The following OTOR variants were observed in gnomAD, a reference collection of about 807,000 sequenced individuals.
OTOR encodes the protein fibrocyte-derived protein.
Under a neutral mutation model 15.9 loss-of-function variants are expected in OTOR, and 20 were observed. That is an observed-to-expected ratio of 1.26 (90% CI 0.89 to 1.83). The LOEUF (loss-of-function observed/expected upper bound fraction) is 1.83, where lower values mean the gene tolerates loss of function less well. Among genes scored for constraint, OTOR ranks in the 40% most tolerant of loss-of-function variants. The pLI, the probability that OTOR is intolerant of heterozygous loss-of-function variation, is 0.00. For missense variants in OTOR, 184 were observed against 159.0 expected, an observed-to-expected ratio of 1.16 and a Z score of -0.85; for synonymous variants, 53 against 54.2, an observed-to-expected ratio of 0.98 and a Z score of 0.09.
intron 3 of OTOR, among the ~76,000 whole-genome samples, chr20:16,750,491 T>C (rs146579492): frequency 6.6e-6 from 1 of 151,970 alleles, no homozygotes; most frequent in East Asian, 1.9e-4. Context: ...CTCTTTTGTT[T>C]TAGATGCAAG....
chr20:16,751,242 A>G lies in OTOR; in HGVS notation c.*124A>G. The G allele has an allele frequency of 1.5e-6, 1 of 685,836 alleles. No individual in the cohort carries two copies. Among genetic ancestry groups the G allele is most frequent in the Non-Finnish European group, 2.4e-6 (1 of 409,928 alleles). 42.5% of individuals were successfully genotyped at this position (685,836 alleles called of 1,614,324 possible). On this transcript the variant is annotated 3_prime_UTR_variant, in exon 4 of 4. Coordinates refer to ENST00000246081, the MANE Select transcript of OTOR (RefSeq NM_020157.4). ...TTAAGAATTTGTTACCTTACAGAAG[A>G]GCAAGGGCTTAGGGGTTGGAGGTGG...
At chr20:16,750,146 T>G in intron 3 of OTOR, 136 bp downstream of exon 3, 3 of 606,236 alleles carry the variant, frequency 4.9e-6, no homozygotes, top group Non-Finnish European at 8.9e-6. Flanking sequence ...TCTGAGATAA[T>G]GAGGTTTGGG....
chr20:16,748,859 T>A lies in OTOR; in HGVS notation c.116-8T>A, dbSNP rs779333493. 1.7e-5 allele frequency: 27 copies of A among 1,559,666 alleles called. No individual in the cohort carries two copies. In the East Asian group the frequency reaches 6.2e-4, roughly 36 times the overall value. On this transcript the variant is annotated splice_region_variant and splice_polypyrimidine_tract_variant and intron_variant, in intron 1 of 3. Coordinates refer to ENST00000246081, the MANE Select transcript of OTOR (RefSeq NM_020157.4). Reference sequence around the variant, plus strand: ...AAAATGTAATCATTTAAATTTTTTTTCTTCCAGATACTATTTCTCTGGCTA... The same window carrying A: ...AAAATGTAATCATTTAAATTTTTTTACTTCCAGATACTATTTCTCTGGCTA...
At chr20:16,750,692 A>T (rs1048338184) in intron 3 of OTOR, among the ~76,000 whole-genome samples, 1 of 152,234 alleles carries the variant, frequency 6.6e-6, no homozygotes, top group Admixed American at 6.5e-5. Context: ...AAATAAAGTT[A>T]TACTCTTCCT....
chr20:16,748,751 A>T, intron 1 of OTOR, 116 bp from the exon 2 acceptor site: 1 of 822,352 alleles, frequency 1.2e-6, no homozygotes, highest in Non-Finnish European at 1.8e-6. Flanking sequence ...GACACCAGCT[A>T]TGAACTGGGA....
intron 3 of OTOR, among the ~76,000 whole-genome samples, chr20:16,750,782 T>C (rs1031703964): frequency 1.1e-4 from 17 of 152,222 alleles, no homozygotes; most frequent in Non-Finnish European, 1.2e-4. Flanking sequence ...TGTTTTGAAG[T>C]GATTCTTCTG....
chr20:16,749,991 C>A lies in OTOR; in HGVS notation c.344C>A (p.Thr115Asn). Residue 115 changes from threonine (T) to asparagine (N), a missense_variant, in exon 3 of 4, where the codon ACC becomes AAC. Transcript: ENST00000246081. ...VKEQRVYQEATKEVPTTDIDF... is the reference protein window; with the variant it reads ...VKEQRVYQEANKEVPTTDIDF... ...GAACAGCGTGTGTACCAGGAAGCTA[C>A]CAAGGAAGTTCCCACCACGGTAAGC... The A allele has an allele frequency of 1.2e-6, 2 of 1,611,958 alleles. No individual in the cohort carries two copies. The highest frequency in any genetic ancestry group is 1.7e-6 in the Non-Finnish European group (2 of 1,178,308).
Position 16,749,013 on chromosome 20 carries a change from T to TGAGAC in OTOR, c.255+7_255+8insGAGAC, listed in dbSNP as rs11472558. On this transcript the variant is annotated splice_region_variant and intron_variant, in intron 2 of 3. Coordinates refer to ENST00000246081, the MANE Select transcript of OTOR (RefSeq NM_020157.4). The stretch of plus-strand genomic sequence containing the variant: ...AGAATTTTGGGCTGGCAGTGTAAGA[T>TGAGAC]AATTTAAACACCTATTGACGAATAT... The TGAGAC allele has an allele frequency of 6.3e-7, 1 of 1,596,094 alleles. No individual in the cohort carries two copies. The highest frequency in any genetic ancestry group is 8.5e-7 in the Non-Finnish European group (1 of 1,172,826).
At position 16,749,605 on chromosome 20, in the gene OTOR, A is replaced by G. The variant is rs1220872330; in HGVS notation, c.256-298A>G. The stretch of plus-strand genomic sequence containing the variant: ...TACTTTAAAAAAATGTACTGTCTTT[A>G]TATATTTATTTATGGGTTCAAAAAA... On this transcript the variant is annotated intron_variant, in intron 2 of 3. Coordinates refer to ENST00000246081, the MANE Select transcript of OTOR (RefSeq NM_020157.4). 6 of 347,102 alleles carry G rather than the reference A, an allele frequency of 1.7e-5. No individual in the cohort carries two copies. The East Asian group carries it at 3.1e-4, about 18-fold the overall frequency. 21.5% of individuals were successfully genotyped at this position (347,102 alleles called of 1,614,324 possible).
rs1475827660 is a variant in OTOR, at chr20:16,751,331, G to C, written c.*213G>C. 7.6e-6 allele frequency: 4 copies of C among 523,750 alleles called. No individual in the cohort carries two copies. The highest frequency in any genetic ancestry group is 3.9e-5 in the Admixed American group (1 of 25,678). The allele number at this position is 523,750 out of a possible 1,614,324, so 32.4% of individuals were successfully genotyped here. ...GCTGGCCTGGTCTGCCCACGAGCTA[G>C]AGCGGGGAAATGTTGAGCTCAAATG... On this transcript the variant is annotated 3_prime_UTR_variant, in exon 4 of 4. Coordinates refer to ENST00000246081, the MANE Select transcript of OTOR (RefSeq NM_020157.4).
intron 2 of OTOR, 152 bp downstream of exon 2, chr20:16,749,158 C>A: frequency 2.2e-6 from 1 of 461,140 alleles, no homozygotes; most frequent in Non-Finnish European, 3.6e-6. Flanking sequence ...TTTGCTATTG[C>A]ATTTTAAAGA....
chr20:16,749,644 T>G (rs1600230689), intron 2 of OTOR: 1 of 439,024 alleles, frequency 2.3e-6, no homozygotes, highest in East Asian at 3.6e-5. Flanking sequence ...TTCAGGCAAC[T>G]CACAAGATTG....
chr20:16,748,865 A>C lies in OTOR; in HGVS notation c.116-2A>C. 1 of 1,568,314 alleles carries C rather than the reference A, an allele frequency of 6.4e-7. No individual in the cohort carries two copies. Among genetic ancestry groups the C allele is most frequent in the South Asian group, 1.2e-5 (1 of 82,838 alleles). On this transcript the variant is annotated splice_acceptor_variant, in intron 1 of 3. Coordinates refer to ENST00000246081, the MANE Select transcript of OTOR (RefSeq NM_020157.4). LOFTEE classifies it high-confidence loss of function. The stretch of plus-strand genomic sequence containing the variant: ...TAATCATTTAAATTTTTTTTCTTCC[A>C]GATACTATTTCTCTGGCTAGTGCTC...
intron 3 of OTOR, 81 bp downstream of exon 3, chr20:16,750,091 T>TA: frequency 1.1e-6 from 1 of 906,050 alleles, no homozygotes; most frequent in Non-Finnish European, 1.8e-6. Context: ...TCATGCAACT[T>TA]ACAAGTTGTA....
At chr20:16,750,126 T>G in intron 3 of OTOR, 116 bp downstream of exon 3, 1 of 638,600 alleles carries the variant, frequency 1.6e-6, no homozygotes, top group Non-Finnish European at 2.8e-6. Context: ...CAACTTTCAG[T>G]GGCGACTTTT....
At chr20:16,748,598 A>G in intron 1 of OTOR, 82 bp downstream of exon 1, 2 of 886,950 alleles carry the variant, frequency 2.3e-6, no homozygotes, top group Non-Finnish European at 3.7e-6. Flanking sequence ...ATCGAATTAT[A>G]CTTTGAAGTG....
intron 3 of OTOR, among the ~76,000 whole-genome samples, chr20:16,750,403 TTG>T (rs3075058): frequency 6.0e-4 from 89 of 148,368 alleles, no homozygotes; most frequent in East Asian, 1.6e-3. Context: ...ATAGTTACCT[TTG>T]TGTGTGTGTG....
In OTOR at chr20:16,751,306, G is replaced by A. The variant is rs34747330; in HGVS notation, c.*188G>A. 20,361 of 564,072 alleles carry A rather than the reference G, an allele frequency of 0.036. 504 individuals carry two copies. Among genetic ancestry groups the A allele is most frequent in the Non-Finnish European group, 0.043 (13,790 of 322,976 alleles). 34.9% of individuals were successfully genotyped at this position (564,072 alleles called of 1,614,324 possible). On this transcript the variant is annotated 3_prime_UTR_variant, in exon 4 of 4. Transcript: ENST00000246081. ...ATTTTCAACTCAAATCTTGTTTCCT[G>A]CTGGCCTGGTCTGCCCACGAGCTAG...
Position 16,750,030 on chromosome 20 carries a change from C to T in OTOR, c.363+20C>T. On this transcript the variant is annotated intron_variant, in intron 3 of 3. Transcript: ENST00000246081. ...ACCACGGTAAGCATCTCAAAAGTGA[C>T]TAGACAAGGACTCAGATCTTGGGGC... 2 of 1,495,754 alleles carry T rather than the reference C, an allele frequency of 1.3e-6. No individual in the cohort carries two copies. The highest frequency in any genetic ancestry group is 1.1e-5 in the South Asian group (1 of 88,114). 92.7% of individuals were successfully genotyped at this position (1,495,754 alleles called of 1,614,324 possible). A position where few individuals can be genotyped will look rare whatever the true frequency, so the allele number is the denominator to read the frequency against.
Sources: allele counts gnomAD v4.1 joint callset (sites outside exome capture counted in the v4.1 genomes callset), GRCh38; gene constraint gnomAD v4.1.1; transcripts MANE v1.5; gene names NCBI Gene and HGNC (gene_info 2026-07-23, HGNC 2026-07-21).